The following ACOT1 variants were observed in gnomAD, a reference collection of about 807,000 sequenced individuals.
ACOT1 encodes acyl-CoA thioesterase 1.
In ACOT1, 8 loss-of-function variants were observed where a neutral mutation model predicts 15.7. The ratio of observed to expected loss-of-function variants is 0.51; its 90% CI spans 0.30 to 0.92. The LOEUF is 0.92. ACOT1 is among the 40% of genes least tolerant of loss of function. The probability of loss-of-function intolerance (pLI) is 0.06; values close to 1 mark genes in which losing one functional copy is unlikely to be tolerated. For missense variants in ACOT1, 151 were observed against 539.4 expected (o/e 0.28, Z 7.13); for synonymous variants, 67 against 241.2 (o/e 0.28, Z 6.69).
the ACOT1 span, among the ~76,000 whole-genome samples, chr14:73,509,960 G>A: frequency 1.3e-5 from 2 of 148,676 alleles, no homozygotes; most frequent in Admixed American, 6.8e-5. Context: ...TGCAAGCTCC[G>A]CCTCCTGGGT....
the ACOT1 span, among the ~76,000 whole-genome samples, chr14:73,497,506 G>A: frequency 3.3e-5 from 5 of 152,038 alleles, no homozygotes; most frequent in African/African-American, 4.8e-5. Context: ...TACCTTACAC[G>A]GGCTCACATA....
chr14:73,498,080 G>A, the ACOT1 span: 4 of 1,373,926 alleles, frequency 2.9e-6, no homozygotes, highest in African/African-American at 5.8e-5. Flanking sequence ...GGAAAGGCAG[G>A]GACATATTCA....
the ACOT1 span, chr14:73,496,794 T>A: frequency 3.0e-6 from 2 of 658,174 alleles, no homozygotes; most frequent in East Asian, 5.3e-5. Context: ...ATCCTAACTG[T>A]GCAGTTTTGC....
At chr14:73,506,863 C>A in the ACOT1 span, among the ~76,000 whole-genome samples, 12 of 134,742 alleles carry the variant, frequency 8.9e-5, no homozygotes, top group Non-Finnish European at 1.7e-4. Flanking sequence ...TGCAGTGGCA[C>A]AATCTCGGCT....
At chr14:73,524,310 A>AAATATATATATAT in the ACOT1 span, among the ~76,000 whole-genome samples, 12 of 54,778 alleles carry the variant, frequency 2.2e-4, no homozygotes, top group East Asian at 4.5e-4. Context: ...AAAAAAAAAA[A>AAATATATATATAT]ATATATATAT....
chr14:73,533,545 G>C (rs1201335929), upstream of ACOT1, among the ~76,000 whole-genome samples: 1 of 113,524 alleles, frequency 8.8e-6, no homozygotes, highest in African/African-American at 2.9e-5. Flanking sequence ...TGGGTGTCCT[G>C]GTACGCGCCT....
the ACOT1 span, among the ~76,000 whole-genome samples, chr14:73,518,672 C>T: frequency 6.6e-6 from 1 of 152,052 alleles, no homozygotes; most frequent in African/African-American, 2.4e-5. Context: ...GGGAAAAGGG[C>T]AGAATGCTGG....
chr14:73,505,498 G>A, the ACOT1 span, among the ~76,000 whole-genome samples: 1 of 152,132 alleles, frequency 6.6e-6, no homozygotes, highest in East Asian at 1.9e-4. Flanking sequence ...CCAGGTTCAA[G>A]CAATTCTTGT....
At chr14:73,502,648 A>G in the ACOT1 span, among the ~76,000 whole-genome samples, 3 of 152,054 alleles carry the variant, frequency 2.0e-5, no homozygotes, top group Non-Finnish European at 4.4e-5. Flanking sequence ...CCCAGGTTCA[A>G]GCGATTCTCC....
chr14:73,501,424 C>T, the ACOT1 span, among the ~76,000 whole-genome samples: 2 of 151,142 alleles, frequency 1.3e-5, no homozygotes, highest in African/African-American at 4.9e-5. Context: ...CGCGCCCGGC[C>T]TTAAATTATT....
chr14:73,500,187 G>A, the ACOT1 span, among the ~76,000 whole-genome samples: 47 of 152,156 alleles, frequency 3.1e-4, no homozygotes, highest in African/African-American at 9.2e-4. Context: ...CCGAGATGGC[G>A]CCACTGCACT....
chr14:73,509,999 G>A, the ACOT1 span, among the ~76,000 whole-genome samples: 2 of 150,076 alleles, frequency 1.3e-5, no homozygotes, highest in African/African-American at 4.9e-5. Context: ...TCAGCCTCCC[G>A]AGTAGCTGGG....
the ACOT1 span, among the ~76,000 whole-genome samples, chr14:73,511,568 ATAAAAT>A: frequency 6.8e-6 from 1 of 146,552 alleles, no homozygotes; most frequent in African/African-American, 2.5e-5. Flanking sequence ...AATAAATAAA[ATAAAAT>A]AAAAAAGAAT....
the ACOT1 span, among the ~76,000 whole-genome samples, chr14:73,506,799 TA>T: frequency 7.3e-6 from 1 of 136,060 alleles, no homozygotes; most frequent in Non-Finnish European, 1.5e-5. Flanking sequence ...TTCCTGACTT[TA>T]ACTGTTTTTT....
chr14:73,500,684 A>G, the ACOT1 span: 1 of 1,613,592 alleles, frequency 6.2e-7, no homozygotes, highest in Non-Finnish European at 8.5e-7. Context: ...CCTATCAGGT[A>G]GAGAGCTTCC....
chr14:73,513,997 A>C, the ACOT1 span: 1 of 1,601,820 alleles, frequency 6.2e-7, no homozygotes, highest in African/African-American at 1.3e-5. Flanking sequence ...ACTTCTCACA[A>C]ACGTACAGTA....
At chr14:73,492,099 G>A in the ACOT1 span, 13 of 1,613,882 alleles carry the variant, frequency 8.1e-6, no homozygotes, top group South Asian at 1.4e-4. The surrounding 1 kb of genome is among the most constrained non-coding windows in gnomAD (Gnocchi z 4.9). Flanking sequence ...CGTGTATACC[G>A]ACCCCGAGTC....
the ACOT1 span, chr14:73,499,199 A>G: frequency 6.8e-7 from 1 of 1,474,042 alleles, no homozygotes; most frequent in African/African-American, 1.4e-5. Context: ...AACCAGAAAC[A>G]GCTGGGTGCG....
chr14:73,533,248 G>A (rs1361069838), upstream of ACOT1, among the ~76,000 whole-genome samples: 2 of 115,222 alleles, frequency 1.7e-5, 1 homozygote, highest in African/African-American at 5.7e-5. Flanking sequence ...GACTTTAACA[G>A]ATATTTGTAT....
Sources: gnomAD v4.1 joint callset for allele counts (sites outside exome capture counted in the v4.1 genomes callset) on GRCh38, gnomAD v4.1.1 for gene constraint, Gnocchi (gnomAD v3.1) non-coding constraint, MANE v1.5 for transcripts, NCBI Gene and HGNC (gene_info 2026-07-23, HGNC 2026-07-21) for gene names.